The following CDS2 variants were observed in gnomAD, a reference collection of about 807,000 sequenced individuals.
CDS2 encodes CDP-diacylglycerol synthase 2.
In CDS2, 47 loss-of-function variants were observed where a neutral mutation model predicts 59.0. The ratio of observed to expected loss-of-function variants is 0.80; its 90% CI spans 0.63 to 1.02. The LOEUF (loss-of-function observed/expected upper bound fraction) is 1.02. Among genes scored for constraint, CDS2 ranks in the 50% least tolerant of loss-of-function variants. The probability of loss-of-function intolerance (pLI) is 0.00; values close to 1 mark genes in which losing one functional copy is unlikely to be tolerated. For missense variants in CDS2, 356 were observed against 558.9 expected, an observed-to-expected ratio of 0.64 and a Z score of 3.66; for synonymous variants, 207 against 206.4, an observed-to-expected ratio of 1.00 and a Z score of -0.02.
chr20:5,141,230 A>G (rs986251393), intron 1 of CDS2, among the ~76,000 whole-genome samples: 13 of 152,364 alleles, frequency 8.5e-5, no homozygotes, highest in African/African-American at 2.6e-4. Flanking sequence ...ACTGCTGCAC[A>G]GGGAGGCTAA....
chr20:5,141,953 C>T (rs1310509587), intron 1 of CDS2, among the ~76,000 whole-genome samples: 1 of 152,170 alleles, frequency 6.6e-6, no homozygotes, highest in Non-Finnish European at 1.5e-5. Context: ...ACACACTACT[C>T]TCTCTGATTT....
rs2091147550 is a variant in CDS2, at chr20:5,195,222, C to T, written c.*4988C>T. On this transcript the variant is annotated 3_prime_UTR_variant, in exon 13 of 13. Transcript: ENST00000460006. ...ATAAATGGTAGTTACTTTTGTTGAG[C>T]TCAGCTGGTAGTTTGACCTCCGTTG... 1 of 152,222 alleles carries T rather than the reference C, an allele frequency of 6.6e-6. No individual in the cohort carries two copies. The highest frequency in any genetic ancestry group is 1.5e-5 in the Non-Finnish European group (1 of 68,048). 9.4% of individuals were successfully genotyped at this position (152,222 alleles called of 1,614,324 possible).
chr20:5,175,105 A>T, intron 2 of CDS2, 78 bp from the exon 3 acceptor site: 1 of 1,026,150 alleles, frequency 9.7e-7, no homozygotes, highest in South Asian at 1.3e-5. Flanking sequence ...AGGAAGATCC[A>T]TATCCCTTGA....
intron 1 of CDS2, among the ~76,000 whole-genome samples, chr20:5,152,112 G>T (rs1464199599): frequency 6.6e-6 from 1 of 151,534 alleles, no homozygotes; most frequent in Middle Eastern, 3.2e-3. Flanking sequence ...ACAAAAACAG[G>T]CAATGATCTT....
At chr20:5,155,572 T>C (rs1451040278) in intron 1 of CDS2, among the ~76,000 whole-genome samples, 1 of 152,232 alleles carries the variant, frequency 6.6e-6, no homozygotes, top group Non-Finnish European at 1.5e-5. Context: ...CGATCTCTGC[T>C]CTGTCTTCAC....
chr20:5,149,120 A>G (rs1319983495), intron 1 of CDS2, among the ~76,000 whole-genome samples: 1 of 152,032 alleles, frequency 6.6e-6, no homozygotes, highest in East Asian at 1.9e-4. Flanking sequence ...AAGCGATCCT[A>G]TGAAATGGTG....
At chr20:5,148,984 C>T (rs1278004486) in intron 1 of CDS2, among the ~76,000 whole-genome samples, 2 of 152,060 alleles carry the variant, frequency 1.3e-5, no homozygotes, top group Admixed American at 1.3e-4. Context: ...GTACTAGTCT[C>T]TTCTAGGGAC....
At position 5,189,622 on chromosome 20, in the gene CDS2, T is replaced by C. The variant is rs990073133; in HGVS notation, c.1102-113T>C. On this transcript the variant is annotated intron_variant, in intron 11 of 12. Coordinates refer to ENST00000460006, the MANE Select transcript of CDS2 (RefSeq NM_003818.4). ...CCATTAGATTTCATACTTCTCACCTTCTATTGCCCTCAGCTACTCAGCACA... is the reference window on the plus strand; with the variant it reads ...CCATTAGATTTCATACTTCTCACCTCCTATTGCCCTCAGCTACTCAGCACA... 1.1e-5 allele frequency: 8 copies of C among 717,476 alleles called. No homozygotes were observed. In the African/African-American group the frequency reaches 1.4e-4, roughly 13 times the overall value. 44.4% of individuals were successfully genotyped at this position (717,476 alleles called of 1,614,324 possible).
chr20:5,139,727 C>T (rs115178324), intron 1 of CDS2, among the ~76,000 whole-genome samples: 2,322 of 151,470 alleles, frequency 0.015, 64 homozygotes, highest in African/African-American at 0.052. Flanking sequence ...AGGTAGGTTC[C>T]TTCTGTACTT....
chr20:5,155,689 T>A (rs1403142498), intron 1 of CDS2, among the ~76,000 whole-genome samples: 2 of 152,222 alleles, frequency 1.3e-5, no homozygotes, highest in African/African-American at 4.8e-5. Flanking sequence ...CTCTCTTAGC[T>A]TAGTCATATC....
At position 5,191,833 on chromosome 20, in the gene CDS2, C is replaced by T. The variant is rs918422890; in HGVS notation, c.*1599C>T. ...CTTCTCTTATTCAGGTCCAAGGCCC[C>T]TTAAAAACAAAACATATTATCGCAA... On this transcript the variant is annotated 3_prime_UTR_variant, in exon 13 of 13. Coordinates refer to ENST00000460006, the MANE Select transcript of CDS2 (RefSeq NM_003818.4). 6.6e-6 allele frequency: 1 copy of T among 152,166 alleles called. No homozygotes were observed. The highest frequency in any genetic ancestry group is 1.5e-5 in the Non-Finnish European group (1 of 68,038). The allele number at this position is 152,166 out of a possible 1,614,324, so 9.4% of individuals were successfully genotyped here.
chr20:5,178,571 G>A lies in CDS2; in HGVS notation c.390-246G>A, dbSNP rs137877129. ...GGAATGCTACAAAAGGGGCAAAAAC[G>A]GAGTCTCAAGTTTGGGAGAAATGGA... On this transcript the variant is annotated intron_variant, in intron 4 of 12. Transcript: ENST00000460006. 7.0e-4 allele frequency among the ~76,000 whole-genome samples: 106 copies of A among 152,286 alleles called. 2 individuals are homozygous for A. The East Asian group carries it at 8.1e-3, about 12-fold the overall frequency.
intron 1 of CDS2, among the ~76,000 whole-genome samples, chr20:5,169,970 C>T (rs919052601): frequency 6.6e-5 from 10 of 152,268 alleles, no homozygotes; most frequent in East Asian, 5.8e-4. Context: ...TTTAGGGTCT[C>T]GTGCTTCTGT....
chr20:5,133,817 G>A (rs565320930), intron 1 of CDS2, among the ~76,000 whole-genome samples: 1 of 152,250 alleles, frequency 6.6e-6, no homozygotes, highest in Admixed American at 6.5e-5. Context: ...GAGCCACCGC[G>A]CCTGGCCTAT....
At chr20:5,182,506 TCAA>T in intron 6 of CDS2, 61 bp downstream of exon 6, 1 of 1,441,318 alleles carries the variant, frequency 6.9e-7, no homozygotes, top group Non-Finnish European at 9.7e-7. Flanking sequence ...TTTCAGGAAC[TCAA>T]CAAGCCTTTC....
chr20:5,140,379 C>T (rs931196181), intron 1 of CDS2, among the ~76,000 whole-genome samples: 5 of 152,224 alleles, frequency 3.3e-5, no homozygotes. Flanking sequence ...TGTAGCCACT[C>T]TGAATGCCTG....
intron 10 of CDS2, among the ~76,000 whole-genome samples, chr20:5,188,382 C>T (rs964990136): frequency 2.8e-4 from 42 of 152,178 alleles, no homozygotes; most frequent in Middle Eastern, 3.2e-3. Context: ...TCTGAGGCTA[C>T]GACTAAAATA....
In CDS2 at chr20:5,197,302, G is replaced by T. The variant is rs530253397; in HGVS notation, c.*7068G>T. On this transcript the variant is annotated 3_prime_UTR_variant, in exon 13 of 13. Coordinates refer to ENST00000460006, the MANE Select transcript of CDS2 (RefSeq NM_003818.4). ...ACATCCTTCTTAATTCGATTCTGAG[G>T]ATTTGTTTAACTAAAAAGTTCCCAA... The T allele has an allele frequency of 2.0e-5, 3 of 149,544 alleles. No homozygotes were observed. The South Asian group carries it at 6.4e-4, about 32-fold the overall frequency. The allele number at this position is 149,544 out of a possible 1,614,324, so 9.3% of individuals were successfully genotyped here. A position where few individuals can be genotyped will look rare whatever the true frequency, so the allele number is the denominator to read the frequency against.
intron 2 of CDS2, among the ~76,000 whole-genome samples, chr20:5,174,014 T>C (rs1031495589): frequency 6.6e-6 from 1 of 152,218 alleles, no homozygotes; most frequent in Non-Finnish European, 1.5e-5. Flanking sequence ...TTGCGATTAA[T>C]GGGCAGGCTG....
Sources: allele counts gnomAD v4.1 joint callset (sites outside exome capture counted in the v4.1 genomes callset), GRCh38; gene constraint gnomAD v4.1.1; transcripts MANE v1.5; gene names NCBI Gene and HGNC (gene_info 2026-07-23, HGNC 2026-07-21).